IQCK: variants seen among roughly 807,000 people sequenced by gnomAD.
The protein encoded by IQCK is IQ domain-containing protein K.
IQCK carries 29 observed loss-of-function variants against 28.1 expected under a neutral mutation model. The ratio of observed to expected loss-of-function variants is 1.03; its 90% confidence interval spans 0.77 to 1.41. IQCK has a LOEUF of 1.41. Ranked by LOEUF, IQCK falls within the 40% of genes most tolerant of loss-of-function variation. The pLI is 0.00. For synonymous variants in IQCK, 113 were observed against 115.1 expected, an observed-to-expected ratio of 0.98 and a Z score of 0.12; for missense variants, 359 against 314.7, an observed-to-expected ratio of 1.14 and a Z score of -1.07.
intron 9 of IQCK, among the ~76,000 whole-genome samples, chr16:19,839,960 C>T (rs2056345793): frequency 1.3e-5 from 2 of 151,418 alleles, no homozygotes; most frequent in South Asian, 4.2e-4. Context: ...TGTGCCACTG[C>T]ACTCCAGCCT....
chr16:19,737,374 T>C (rs1486201597), intron 4 of IQCK, among the ~76,000 whole-genome samples: 1 of 152,142 alleles, frequency 6.6e-6, no homozygotes, highest in East Asian at 1.9e-4. Flanking sequence ...TTCTAGCAAA[T>C]ACCCGATGTT....
chr16:19,840,367 A>G (rs1465346718), intron 9 of IQCK, among the ~76,000 whole-genome samples: 1 of 152,164 alleles, frequency 6.6e-6, no homozygotes, highest in Non-Finnish European at 1.5e-5. Flanking sequence ...AAAAATAATA[A>G]TAAAGAAAGA....
chr16:19,719,203 A>C (rs550267521), intron 1 of IQCK, among the ~76,000 whole-genome samples: 1 of 152,228 alleles, frequency 6.6e-6, no homozygotes, highest in East Asian at 1.9e-4. Flanking sequence ...TGATTTTAGG[A>C]GGGCAAAAGG....
Position 19,763,852 on chromosome 16 carries a change from A to G in IQCK, c.479A>G (p.Lys160Arg), listed in dbSNP as rs770357285. ...AATTATCTCTTCTCTCTTCAGAGGA[A>G]AAGAACCAAATTCATTGCCTGTGAT... The change falls in exon 5 of 8, where the codon AAA (lysine) becomes AGA (arginine). Residue 160 changes from lysine (K) to arginine (R), a missense_variant. Lys to Arg is a conservative substitution (Grantham distance 26, BLOSUM62 2). Transcript: ENST00000564186. 31 of 1,612,804 alleles carry G rather than the reference A, an allele frequency of 1.9e-5. No individual in the cohort carries two copies. The South Asian group carries it at 3.0e-4, about 15-fold the overall frequency.
intron 7 of IQCK, chr16:19,819,739 TGCGGTG>T (rs1484492429): frequency 2.6e-5 from 4 of 152,206 alleles, no homozygotes; most frequent in African/African-American, 7.2e-5. Flanking sequence ...TTTGGCCGGG[TGCGGTG>T]GCTCACGCCT....
At chr16:19,803,955 G>A (rs2055798395) in intron 7 of IQCK, among the ~76,000 whole-genome samples, 1 of 152,208 alleles carries the variant, frequency 6.6e-6, no homozygotes, top group African/African-American at 2.4e-5. Flanking sequence ...GTCTCTAAAT[G>A]TAACAACACA....
In IQCK at chr16:19,807,672, T is replaced by C. The variant is rs150635674; in HGVS notation, c.690+18750T>C. On this transcript the variant is annotated intron_variant, in intron 7 of 7. Transcript: ENST00000564186. ...TGGGTGACAGCCTAGTAGGGTGCCA[T>C]GATCTGGGTTTTAATCCTGGCTTGC... 2.0e-5 allele frequency among the ~76,000 whole-genome samples: 3 copies of C among 152,284 alleles called. No homozygotes were observed. The East Asian group carries it at 5.8e-4, about 29-fold the overall frequency.
intron 6 of IQCK, among the ~76,000 whole-genome samples, chr16:19,782,597 C>T (rs1037050417): frequency 1.3e-5 from 2 of 151,992 alleles, no homozygotes; most frequent in African/African-American, 4.8e-5. Context: ...CACTACACTG[C>T]AGCCTGGGTG....
chr16:19,784,656 G>A (rs2055538345), intron 6 of IQCK, among the ~76,000 whole-genome samples: 1 of 152,176 alleles, frequency 6.6e-6, no homozygotes, highest in African/African-American at 2.4e-5. Context: ...CAAGATTTGA[G>A]CATTAATTAG....
chr16:19,735,381 C>T lies in IQCK; in HGVS notation c.405C>T (p.Phe135=). The T allele has an allele frequency of 1.9e-6, 3 of 1,613,988 alleles. No individual in the cohort carries two copies. In the Admixed American group the frequency reaches 5.0e-5, roughly 27 times the overall value. The change falls in exon 4 of 8, where the codon TTC becomes TTT. Residue 135 remains phenylalanine (F), a synonymous_variant. Transcript: ENST00000564186. ...CTCCCAAAGAATATTTGGAAACTTT[C>T]ATCTTTCCTGTTCTGCTTCCCGGAA...
At chr16:19,746,962 A>G (rs1237159851) in intron 4 of IQCK, among the ~76,000 whole-genome samples, 1 of 152,176 alleles carries the variant, frequency 6.6e-6, no homozygotes, top group African/African-American at 2.4e-5. Context: ...ATAATAAACT[A>G]CCTCAAAAGT....
At chr16:19,725,496 C>CT (rs1567531696) in intron 1 of IQCK, among the ~76,000 whole-genome samples, 1 of 152,204 alleles carries the variant, frequency 6.6e-6, no homozygotes, top group Non-Finnish European at 1.5e-5. Flanking sequence ...TAATCCATGC[C>CT]TGGGCCCCTG....
At chr16:19,807,639 C>T (rs1418502777) in intron 7 of IQCK, among the ~76,000 whole-genome samples, 1 of 152,188 alleles carries the variant, frequency 6.6e-6, no homozygotes, top group Non-Finnish European at 1.5e-5. Context: ...GTTTGAGAAG[C>T]AGCCCTATGG....
At chr16:19,771,352 A>G (rs1392668305) in intron 6 of IQCK, among the ~76,000 whole-genome samples, 1 of 152,176 alleles carries the variant, frequency 6.6e-6, no homozygotes, top group African/African-American at 2.4e-5. Flanking sequence ...TTGGCCTCCC[A>G]AAGTGCTGGG....
At chr16:19,786,507 G>A (rs1415391140) in intron 6 of IQCK, among the ~76,000 whole-genome samples, 1 of 144,872 alleles carries the variant, frequency 6.9e-6, no homozygotes, top group African/African-American at 2.8e-5. Context: ...AGACCAACCT[G>A]GCCAACACAG....
At chr16:19,799,597 T>TACACACACACACAC (rs529119301) in intron 7 of IQCK, among the ~76,000 whole-genome samples, 1 of 111,684 alleles carries the variant, frequency 9.0e-6, no homozygotes, top group African/African-American at 5.2e-5. Flanking sequence ...TATATATATA[T>TACACACACACACAC]ACACACACAC....
intron 6 of IQCK, among the ~76,000 whole-genome samples, chr16:19,781,630 G>T (rs987103117): frequency 6.6e-6 from 1 of 152,226 alleles, no homozygotes; most frequent in South Asian, 2.1e-4. Flanking sequence ...CCATATGTCT[G>T]GGAGTACCAT....
At chr16:19,764,276 T>C (rs1336025740) in intron 6 of IQCK, 164 bp downstream of exon 6, 4 of 573,832 alleles carry the variant, frequency 7.0e-6, no homozygotes, top group African/African-American at 5.6e-5. Context: ...AGGCTAACCT[T>C]ATCCTAATCA....
At chr16:19,772,819 C>T (rs2055336947) in intron 6 of IQCK, among the ~76,000 whole-genome samples, 1 of 151,948 alleles carries the variant, frequency 6.6e-6, no homozygotes. Flanking sequence ...GTCTGGGAAA[C>T]ATAGTGAGAC....
Sources: gnomAD v4.1 joint callset for allele counts (sites outside exome capture counted in the v4.1 genomes callset) on GRCh38, gnomAD v4.1.1 for gene constraint, MANE v1.5 for transcripts, NCBI Gene and HGNC (gene_info 2026-07-23, HGNC 2026-07-21) for gene names.